Variants in VTI1A observed in about 807,000 individuals in gnomAD.
The protein encoded by VTI1A is vesicle transport through interaction with t-SNAREs 1A.
Under a neutral mutation model 34.9 loss-of-function variants are expected in VTI1A, and 22 were observed. The observed-to-expected ratio is 0.63, with a 90% CI of 0.45 to 0.90. The LOEUF (loss-of-function observed/expected upper bound fraction) is 0.90. Ranked by LOEUF, VTI1A falls within the 40% of genes least tolerant of loss-of-function variation. The probability of loss-of-function intolerance (pLI) is 0.00; values close to 1 mark genes in which losing one functional copy is unlikely to be tolerated. For synonymous variants in VTI1A, 87 were observed against 97.3 expected (o/e 0.89, Z 0.62); for missense variants, 268 against 275.6 (o/e 0.97, Z 0.20).
chr10:112,774,447 A>G (rs540178844), intron 7 of VTI1A, among the ~76,000 whole-genome samples: 1 of 152,170 alleles, frequency 6.6e-6, no homozygotes, highest in East Asian at 1.9e-4. Flanking sequence ...TCTTCCCACT[A>G]CAAAGGAGAT....
At chr10:112,607,158 G>A (rs1229827185) in intron 5 of VTI1A, among the ~76,000 whole-genome samples, 4 of 151,978 alleles carry the variant, frequency 2.6e-5, no homozygotes, top group African/African-American at 4.8e-5. Context: ...ATGGTGGTGG[G>A]CACCTGTAAT....
intron 7 of VTI1A, among the ~76,000 whole-genome samples, chr10:112,691,195 A>G (rs1848601806): frequency 1.3e-5 from 2 of 151,974 alleles, no homozygotes; most frequent in Non-Finnish European, 2.9e-5. Flanking sequence ...CAGGAGGTGT[A>G]GGTTGCAGTG....
chr10:112,666,901 T>G (rs1287601061), intron 5 of VTI1A, among the ~76,000 whole-genome samples: 2 of 152,114 alleles, frequency 1.3e-5, no homozygotes, highest in Admixed American at 6.6e-5. Context: ...TACAACAATC[T>G]CATGATATAG....
chr10:112,664,706 C>T (rs1847581104), intron 5 of VTI1A, among the ~76,000 whole-genome samples: 1 of 152,048 alleles, frequency 6.6e-6, no homozygotes, highest in Admixed American at 6.6e-5. Context: ...TAAAAAGGGG[C>T]TATGGATCAA....
At chr10:112,833,684 CAT>C in the VTI1A span, among the ~76,000 whole-genome samples, 2 of 152,152 alleles carry the variant, frequency 1.3e-5, no homozygotes, top group African/African-American at 4.8e-5. Context: ...TTTCTCCACT[CAT>C]GTGAGCTCTT....
intron 5 of VTI1A, among the ~76,000 whole-genome samples, chr10:112,604,975 C>A (rs1249049102): frequency 2.0e-5 from 3 of 152,226 alleles, no homozygotes; most frequent in South Asian, 2.1e-4. Flanking sequence ...TTATATAGGC[C>A]TCTTTTGAAA....
chr10:112,670,917 C>T (rs1023410569), intron 7 of VTI1A, among the ~76,000 whole-genome samples: 8 of 152,304 alleles, frequency 5.3e-5, no homozygotes, highest in African/African-American at 1.9e-4. Context: ...TTTCACTAGG[C>T]ACAGCTGGGA....
At chr10:112,645,676 G>A (rs1378342972) in intron 5 of VTI1A, among the ~76,000 whole-genome samples, 1 of 152,088 alleles carries the variant, frequency 6.6e-6, no homozygotes. Flanking sequence ...TCCAACTCCT[G>A]AGTGGAATAA....
the VTI1A span, among the ~76,000 whole-genome samples, chr10:112,852,715 G>A: frequency 4.6e-5 from 7 of 152,226 alleles, no homozygotes; most frequent in Admixed American, 1.3e-4. Context: ...TTCCTCTGGG[G>A]ATTGCTCCTC....
At chr10:112,653,056 T>C (rs1847096880) in intron 5 of VTI1A, among the ~76,000 whole-genome samples, 1 of 152,232 alleles carries the variant, frequency 6.6e-6, no homozygotes, top group Admixed American at 6.5e-5. Flanking sequence ...TACAGAATTT[T>C]CTGGGGTTTA....
chr10:112,664,517 T>C (rs1181192595), intron 5 of VTI1A, among the ~76,000 whole-genome samples: 5 of 152,198 alleles, frequency 3.3e-5, no homozygotes, highest in African/African-American at 7.2e-5. Flanking sequence ...CTAAATCTTA[T>C]TTTCATGATG....
At chr10:112,794,138 G>T (rs956341991) in intron 7 of VTI1A, among the ~76,000 whole-genome samples, 1 of 152,014 alleles carries the variant, frequency 6.6e-6, no homozygotes, top group Non-Finnish European at 1.5e-5. Context: ...GGAAGAGGGG[G>T]CTGGATCATA....
chr10:112,765,443 C>T (rs1202977221), intron 7 of VTI1A, among the ~76,000 whole-genome samples: 2 of 152,224 alleles, frequency 1.3e-5, no homozygotes, highest in Non-Finnish European at 2.9e-5. Flanking sequence ...CTTCTGGCCT[C>T]AAGTGATCTG....
At chr10:112,611,736 A>ATTTTTTTTTTTTTTTTTTTTT in intron 5 of VTI1A, among the ~76,000 whole-genome samples, 1 of 104,804 alleles carries the variant, frequency 9.5e-6, no homozygotes, top group Non-Finnish European at 1.8e-5. Context: ...TGAGAAAGGT[A>ATTTTTTTTTTTTTTTTTTTTT]ATTTTTTTTT....
chr10:112,491,893 C>G (rs1848836731), intron 3 of VTI1A, among the ~76,000 whole-genome samples: 1 of 152,194 alleles, frequency 6.6e-6, no homozygotes, highest in African/African-American at 2.4e-5. Context: ...AAGCCTCCGC[C>G]TCTTCCCTCA....
At chr10:112,679,884 C>A (rs1430838188) in intron 7 of VTI1A, among the ~76,000 whole-genome samples, 1 of 152,122 alleles carries the variant, frequency 6.6e-6, no homozygotes, top group East Asian at 1.9e-4. Flanking sequence ...GGCAGTGGTT[C>A]CTATCCTGGA....
chr10:112,796,432 A>ATG, intron 7 of VTI1A, among the ~76,000 whole-genome samples: 1 of 150,564 alleles, frequency 6.6e-6, no homozygotes, highest in Admixed American at 6.6e-5. Context: ...GAAGGCTGTC[A>ATG]TGTGTCTGCA....
At chr10:112,562,534 G>T (rs1851759792) in intron 5 of VTI1A, among the ~76,000 whole-genome samples, 1 of 151,900 alleles carries the variant, frequency 6.6e-6, no homozygotes, top group Non-Finnish European at 1.5e-5. Flanking sequence ...GTGTGTGTGT[G>T]TGTGTATATA....
intron 7 of VTI1A, among the ~76,000 whole-genome samples, chr10:112,753,036 T>C (rs535929142): frequency 4.8e-4 from 73 of 150,890 alleles, no homozygotes; most frequent in African/African-American, 1.6e-3. Context: ...TAAAATTTCT[T>C]CTAAATTAAA....
Sources: gnomAD v4.1 joint callset for allele counts (sites outside exome capture counted in the v4.1 genomes callset) on GRCh38, gnomAD v4.1.1 for gene constraint, MANE v1.5 for transcripts, NCBI Gene and HGNC (gene_info 2026-07-23, HGNC 2026-07-21) for gene names.